ALPK2: variants seen among roughly 807,000 people sequenced by gnomAD.
ALPK2 encodes the protein alpha kinase 2.
In ALPK2, 127 loss-of-function variants were observed where a neutral mutation model predicts 163.1. That is an observed-to-expected ratio of 0.78 (90% CI 0.67 to 0.90). The LOEUF is 0.90. ALPK2 is among the 40% of genes least tolerant of loss of function. ALPK2 has a pLI of 0.00. For missense variants in ALPK2, 2,360 were observed against 2,589.6 expected (o/e 0.91, Z 1.92); for synonymous variants, 953 against 959.1 (o/e 0.99, Z 0.12).
intron 1 of ALPK2, among the ~76,000 whole-genome samples, chr18:58,616,867 G>A (rs904494228): frequency 2.0e-5 from 3 of 152,220 alleles, no homozygotes; most frequent in East Asian, 1.9e-4. Flanking sequence ...TCAGTCAGAA[G>A]TTCCAGAAGC....
At chr18:58,488,792 T>C (rs764276990) in intron 12 of ALPK2, among the ~76,000 whole-genome samples, 1 of 151,884 alleles carries the variant, frequency 6.6e-6, no homozygotes, top group Non-Finnish European at 1.5e-5. Flanking sequence ...GTGTGATGTG[T>C]GTGTGTAAAA....
At chr18:58,544,736 C>G (rs1313496580) in intron 4 of ALPK2, 1 of 152,194 alleles carries the variant, frequency 6.6e-6, no homozygotes, top group Non-Finnish European at 1.5e-5. Context: ...TAAGATACTT[C>G]TTGAACATTT....
intron 12 of ALPK2, among the ~76,000 whole-genome samples, chr18:58,491,787 T>C (rs886684884): frequency 5.3e-5 from 8 of 152,370 alleles, no homozygotes; most frequent in African/African-American, 1.9e-4. Context: ...TGTCTAGGCA[T>C]ACAGGCAAGG....
intron 12 of ALPK2, among the ~76,000 whole-genome samples, chr18:58,489,847 A>G (rs564364628): frequency 6.6e-6 from 1 of 152,256 alleles, no homozygotes; most frequent in South Asian, 2.1e-4. Flanking sequence ...CTGTAATCCC[A>G]GCACTTTGGG....
rs1289200683 is a variant in ALPK2, at chr18:58,580,308, G to A, written c.468C>T (p.Gly156=). ...PYKEEESISP[G]TPRSADSSPS... is the part of the protein sequence containing the mutation. ...GGGAGGAGTCAGCTGACCTGGGAGT[G>A]CCCGGGGAGATGCTTTCTTCTTCCT... The change falls in exon 4 of 13, where the codon GGC becomes GGT. Residue 156 remains glycine (G), a synonymous_variant. Coordinates refer to ENST00000361673, the MANE Select transcript of ALPK2 (RefSeq NM_052947.4). 6.2e-7 allele frequency: 1 copy of A among 1,614,146 alleles called. No homozygotes were observed. Among genetic ancestry groups the A allele is most frequent in the East Asian group, 2.2e-5 (1 of 44,884 alleles).
At chr18:58,504,262 T>G (rs1368098830) in intron 10 of ALPK2, 114 bp from the exon 11 acceptor site, 4 of 846,614 alleles carry the variant, frequency 4.7e-6, no homozygotes, top group Non-Finnish European at 7.5e-6. Flanking sequence ...TCCCCAATTC[T>G]GCTAGGTTTA....
intron 6 of ALPK2, among the ~76,000 whole-genome samples, chr18:58,528,287 T>C (rs374725196): frequency 1.3e-5 from 2 of 152,158 alleles, no homozygotes; most frequent in African/African-American, 4.8e-5. Context: ...ATCCCAGCAC[T>C]TTGGGAGGCT....
chr18:58,487,553 T>C (rs28411889), intron 12 of ALPK2, among the ~76,000 whole-genome samples: 1 of 152,256 alleles, frequency 6.6e-6, no homozygotes, highest in Non-Finnish European at 1.5e-5. Flanking sequence ...ATCTTGTATT[T>C]GAGATCTTTT....
intron 5 of ALPK2, among the ~76,000 whole-genome samples, chr18:58,530,920 G>T (rs1437905086): frequency 6.6e-6 from 1 of 152,170 alleles, no homozygotes; most frequent in African/African-American, 2.4e-5. Context: ...GATTACTCAG[G>T]CCTGGCATGG....
intron 6 of ALPK2, among the ~76,000 whole-genome samples, chr18:58,524,963 A>C (rs540289164): frequency 1.3e-5 from 2 of 152,022 alleles, no homozygotes; most frequent in Non-Finnish European, 2.9e-5. Context: ...AAAAAAAAAA[A>C]AAAAAAAGGA....
intron 4 of ALPK2, among the ~76,000 whole-genome samples, chr18:58,557,690 A>G (rs1003094283): frequency 3.1e-5 from 2 of 64,282 alleles, no homozygotes; most frequent in African/African-American, 5.0e-5. Context: ...GTGTGTGTGT[A>G]TATATATATA....
intron 3 of ALPK2, among the ~76,000 whole-genome samples, chr18:58,599,428 C>T (rs544598257): frequency 5.3e-5 from 8 of 152,176 alleles, no homozygotes; most frequent in Non-Finnish European, 8.8e-5. Context: ...GAAAGTTCTA[C>T]CAGTCATCCT....
intron 1 of ALPK2, among the ~76,000 whole-genome samples, chr18:58,619,132 A>G (rs2052185409): frequency 6.6e-6 from 1 of 152,224 alleles, no homozygotes; most frequent in East Asian, 1.9e-4. Context: ...TGGTTTCTGT[A>G]AATTGCATGG....
chr18:58,534,150 C>G (rs2051630543), intron 5 of ALPK2, among the ~76,000 whole-genome samples: 1 of 145,624 alleles, frequency 6.9e-6, no homozygotes, highest in Non-Finnish European at 1.5e-5. Context: ...AATTTCAGGA[C>G]TTTTTTTTTT....
chr18:58,557,700 ATT>A (rs753453699), intron 4 of ALPK2, among the ~76,000 whole-genome samples: 50,328 of 145,288 alleles, frequency 0.35, 8,648 homozygotes, highest in East Asian at 0.49. Context: ...ATATATATAT[ATT>A]TATATTTTGT....
At chr18:58,514,017 A>G (rs1328277990) in intron 10 of ALPK2, among the ~76,000 whole-genome samples, 1 of 152,124 alleles carries the variant, frequency 6.6e-6, no homozygotes, top group East Asian at 1.9e-4. Flanking sequence ...TTCTTTTTTG[A>G]AGAAAACTTA....
In ALPK2 at chr18:58,538,074, CTAAT is replaced by C. The variant is rs777977692; in HGVS notation, c.2109_2112del (p.Ala705AsnfsTer32). On this transcript the variant is annotated frameshift_variant, in exon 5 of 13. Coordinates refer to ENST00000361673, the MANE Select transcript of ALPK2 (RefSeq NM_052947.4). LOFTEE classifies it high-confidence loss of function. The stretch of plus-strand genomic sequence containing the variant: ...CAGGGTTTGACCTCCGAGTGTTGAG[CTAAT>C]GATGCATTTTCCTTGTGGACCCCTC... 4.3e-6 allele frequency: 7 copies of C among 1,614,138 alleles called. No homozygotes were observed. Among genetic ancestry groups the C allele is most frequent in the Non-Finnish European group, 5.9e-6 (7 of 1,180,020 alleles).
rs1255079716 is a variant in ALPK2 at position 58,625,191 on chromosome 18, A to C, written c.-21+3573T>G. 6.6e-5 allele frequency among the ~76,000 whole-genome samples: 10 copies of C among 151,968 alleles called. No individual in the cohort carries two copies. In the East Asian group the frequency reaches 1.9e-3, roughly 29 times the overall value. Reference sequence around the variant, plus strand: ...CTTCCCTGATACCCTCAGCTGAAAAAAAAAAAAAGCCCCCTAAAAACTAGA... The same window carrying C: ...CTTCCCTGATACCCTCAGCTGAAAACAAAAAAAAGCCCCCTAAAAACTAGA... On this transcript the variant is annotated intron_variant, in intron 1 of 12. Coordinates refer to ENST00000361673, the MANE Select transcript of ALPK2 (RefSeq NM_052947.4).
chr18:58,507,459 G>T (rs964331330), intron 10 of ALPK2, among the ~76,000 whole-genome samples: 1 of 152,182 alleles, frequency 6.6e-6, no homozygotes, highest in Non-Finnish European at 1.5e-5. Context: ...AGTTGTGGGG[G>T]TAGCAGAGAT....
Sources: allele counts gnomAD v4.1 joint callset (sites outside exome capture counted in the v4.1 genomes callset), GRCh38; gene constraint gnomAD v4.1.1; transcripts MANE v1.5; gene names NCBI Gene and HGNC (gene_info 2026-07-23, HGNC 2026-07-21).